TOX2: variants seen among roughly 807,000 people sequenced by gnomAD.
The protein encoded by TOX2 is TOX high mobility group box family member 2.
A neutral mutation model predicts 47.4 loss-of-function variants in TOX2; 15 were observed. That is an observed-to-expected ratio of 0.32 (90% CI 0.21 to 0.49). The LOEUF (loss-of-function observed/expected upper bound fraction) is 0.49. TOX2 is among the 20% of genes least tolerant of loss of function. The pLI, the probability that TOX2 is intolerant of heterozygous loss-of-function variation, is 0.99. For synonymous variants in TOX2, 290 were observed against 296.6 expected (o/e 0.98, Z 0.23); for missense variants, 622 against 673.1 (o/e 0.92, Z 0.84).
chr20:44,041,061 G>A (rs2145720171), intron 3 of TOX2, among the ~76,000 whole-genome samples: 1 of 152,318 alleles, frequency 6.6e-6, no homozygotes, highest in South Asian at 2.1e-4. Flanking sequence ...ATCAGGGATT[G>A]CAAGGGAAGG....
chr20:43,986,279 GTATGTA>G, intron 2 of TOX2, among the ~76,000 whole-genome samples: 2 of 151,950 alleles, frequency 1.3e-5, no homozygotes, highest in African/African-American at 4.8e-5. Flanking sequence ...ATGTATGTAT[GTATGTA>G]TGTGTGTATT....
chr20:43,916,268 G>A lies in TOX2; in HGVS notation c.99+1278G>A, dbSNP rs1005003986. The A allele has an allele frequency of 6.1e-6, 6 of 978,266 alleles. No homozygotes were observed. In the South Asian group the frequency reaches 1.9e-4, roughly 31 times the overall value. The allele number at this position is 978,266 out of a possible 1,614,324, so 60.6% of individuals were successfully genotyped here. A position where few individuals can be genotyped will look rare whatever the true frequency, so the allele number is the denominator to read the frequency against. ...CCAGGGTCTCTCCCCAACCTCGCAG[G>A]CTTTTCGTCAGGCCCCTGGTAGTGG... On this transcript the variant is annotated intron_variant, in intron 1 of 8. Transcript: ENST00000341197. This position sits in a 1 kb window ranked among gnomAD's most constrained non-coding sequence, Gnocchi z 5.0.
At chr20:43,971,285 A>G (rs901517074) in intron 1 of TOX2, among the ~76,000 whole-genome samples, 18 of 152,244 alleles carry the variant, frequency 1.2e-4, no homozygotes, top group Non-Finnish European at 2.2e-4. Flanking sequence ...GAATCTAATC[A>G]TAAGCAATGA....
chr20:44,004,879 A>G (rs1490889808), intron 2 of TOX2, among the ~76,000 whole-genome samples: 1 of 152,156 alleles, frequency 6.6e-6, no homozygotes, highest in East Asian at 1.9e-4. Flanking sequence ...ATATTTCTTG[A>G]TTGATTTAAG....
chr20:44,009,506 T>C (rs923102249), intron 3 of TOX2, among the ~76,000 whole-genome samples: 14 of 152,330 alleles, frequency 9.2e-5, no homozygotes, highest in African/African-American at 3.4e-4. Context: ...CTCTCAAACC[T>C]AGCGATTCAG....
chr20:43,999,652 T>C (rs1461932226), intron 2 of TOX2, among the ~76,000 whole-genome samples: 1 of 152,248 alleles, frequency 6.6e-6, no homozygotes, highest in Non-Finnish European at 1.5e-5. Flanking sequence ...GGCAATACTA[T>C]CTGAGCGTCT....
At chr20:43,947,474 C>T (rs1409349305) in intron 1 of TOX2, among the ~76,000 whole-genome samples, 4 of 152,214 alleles carry the variant, frequency 2.6e-5, no homozygotes, top group African/African-American at 9.6e-5. Context: ...ATGAGGAGGG[C>T]GTGGCTCACA....
At position 44,066,031 on chromosome 20, in the gene TOX2, C is replaced by T. The variant is rs1252725530; in HGVS notation, c.1280C>T (p.Pro427Leu). The change falls in exon 7 of 9, where the codon CCC (proline) becomes CTC (leucine). Residue 427 changes from proline (P) to leucine (L), a missense_variant. Pro to Leu is a moderately conservative substitution (Grantham distance 98, BLOSUM62 -3). Around this residue, in one of 3 missense-constraint regions of TOX2, gnomAD observed 294 missense variants for 300.0 expected, o/e 0.98. Transcript: ENST00000341197. ...LSPPVSMSPAPQPPVLPTPMA... is the reference protein window; with the variant it reads ...LSPPVSMSPALQPPVLPTPMA... Reference sequence around the variant, plus strand: ...CCACCTGTTAGCATGTCCCCAGCCCCCCAGCCCCCTGTCCTGCCCACCCCC... The same window carrying T: ...CCACCTGTTAGCATGTCCCCAGCCCTCCAGCCCCCTGTCCTGCCCACCCCC... 15 of 1,603,936 alleles carry T rather than the reference C, an allele frequency of 9.4e-6. No homozygotes were observed. Among genetic ancestry groups the T allele is most frequent in the Non-Finnish European group, 1.3e-5 (15 of 1,175,950 alleles).
chr20:43,925,071 A>G (rs1329298429), intron 1 of TOX2, among the ~76,000 whole-genome samples: 1 of 152,196 alleles, frequency 6.6e-6, no homozygotes, highest in Non-Finnish European at 1.5e-5. Context: ...TTTTATGGAT[A>G]TGTGACTATC....
intron 2 of TOX2, among the ~76,000 whole-genome samples, chr20:43,999,812 A>G (rs1356684499): frequency 6.6e-6 from 1 of 152,258 alleles, no homozygotes; most frequent in Non-Finnish European, 1.5e-5. Context: ...ACACTTCCCA[A>G]TTTCCATAAA....
At chr20:43,951,705 A>ATTTTTTTT (rs1212223106) in intron 1 of TOX2, among the ~76,000 whole-genome samples, 7 of 30,390 alleles carry the variant, frequency 2.3e-4, no homozygotes, top group African/African-American at 8.9e-4. Context: ...TAAACTTATT[A>ATTTTTTTT]TGTTTTTTTT....
intron 3 of TOX2, among the ~76,000 whole-genome samples, chr20:44,017,656 CATTT>C (rs1249347098): frequency 1.3e-5 from 2 of 152,210 alleles, no homozygotes; most frequent in Non-Finnish European, 2.9e-5. Context: ...TGTCATGTAA[CATTT>C]ATTTAGCAGT....
chr20:44,057,544 TA>T (rs2071642653), intron 5 of TOX2, among the ~76,000 whole-genome samples: 1 of 151,396 alleles, frequency 6.6e-6, no homozygotes, highest in South Asian at 2.1e-4. Flanking sequence ...AGGTGATGGA[TA>T]GGAAAGTTCT....
intron 1 of TOX2, among the ~76,000 whole-genome samples, chr20:43,945,358 A>G (rs1279236475): frequency 3.3e-5 from 5 of 152,168 alleles, no homozygotes; most frequent in Admixed American, 3.3e-4. Context: ...TCCTCATTCC[A>G]TCAGATGTAT....
intron 2 of TOX2, among the ~76,000 whole-genome samples, chr20:43,981,489 T>C (rs924589286): frequency 6.6e-6 from 1 of 152,188 alleles, no homozygotes; most frequent in Non-Finnish European, 1.5e-5. Context: ...TAGAGTGGCT[T>C]TGCGCGTTGT....
chr20:44,000,410 T>C (rs1251790142), intron 2 of TOX2, among the ~76,000 whole-genome samples: 2 of 152,252 alleles, frequency 1.3e-5, no homozygotes, highest in Middle Eastern at 3.4e-3. Flanking sequence ...GGGTGACACC[T>C]TGGTTTCTGG....
At chr20:44,036,489 G>A (rs565843803) in intron 3 of TOX2, among the ~76,000 whole-genome samples, 43 of 152,310 alleles carry the variant, frequency 2.8e-4, no homozygotes, top group African/African-American at 8.4e-4. Flanking sequence ...CCCCTTTCTC[G>A]CATGCCTGAG....
chr20:43,932,677 A>T (rs2145323075), intron 1 of TOX2, among the ~76,000 whole-genome samples: 1 of 152,198 alleles, frequency 6.6e-6, no homozygotes, highest in Non-Finnish European at 1.5e-5. Flanking sequence ...TGCAAAGGTC[A>T]TGGACATCCC....
At chr20:43,949,569 G>A (rs1023317527) in intron 1 of TOX2, among the ~76,000 whole-genome samples, 5 of 152,328 alleles carry the variant, frequency 3.3e-5, no homozygotes, top group Non-Finnish European at 7.4e-5. Context: ...GCCTCCTGCA[G>A]AATCACTGTC....
Sources: allele counts gnomAD v4.1 joint callset (sites outside exome capture counted in the v4.1 genomes callset), GRCh38; gene constraint gnomAD v4.1.1; regional missense constraint gnomAD v4.1.1; non-coding constraint Gnocchi (gnomAD v3.1); transcripts MANE v1.5; gene names NCBI Gene and HGNC (gene_info 2026-07-23, HGNC 2026-07-21).